Variants in SLC11A2 observed in about 807,000 individuals in gnomAD.
SLC11A2 encodes natural resistance-associated macrophage protein 2.
Under a neutral mutation model 68.0 loss-of-function variants are expected in SLC11A2, and 38 were observed. That is an observed-to-expected ratio of 0.56 (90% CI 0.43 to 0.73). The LOEUF is 0.73. Among genes scored for constraint, SLC11A2 ranks in the 30% least tolerant of loss-of-function variants. SLC11A2 has a pLI of 0.00. For synonymous variants in SLC11A2, 242 were observed against 250.6 expected, an observed-to-expected ratio of 0.97 and a Z score of 0.32; for missense variants, 517 against 690.5, an observed-to-expected ratio of 0.75 and a Z score of 2.82.
chr12:51,027,022 C>G (rs919821172), upstream of SLC11A2, among the ~76,000 whole-genome samples: 7 of 152,034 alleles, frequency 4.6e-5, no homozygotes, highest in African/African-American at 1.4e-4. Flanking sequence ...ACTAAAAATA[C>G]AAAATTAGCC....
chr12:50,996,969 C>G lies in SLC11A2; in HGVS notation c.679G>C (p.Val227Leu), dbSNP rs1276190960. The G allele has an allele frequency of 5.6e-6, 9 of 1,613,588 alleles. No homozygotes were observed. Among genetic ancestry groups the G allele is most frequent in the African/African-American group, 4.0e-5 (3 of 74,896 alleles). The change falls in exon 9 of 16, where the codon GTT becomes CTT. Residue 227 changes from valine (V) to leucine (L), a missense_variant. Val to Leu is a conservative substitution (Grantham distance 32). Coordinates refer to ENST00000262052, the MANE Select transcript of SLC11A2 (RefSeq NM_000617.3). ...IMALTFGYEY[V>L]TVKPSQSQVL... The stretch of plus-strand genomic sequence containing the variant: ...TGGCTCTGGCTGGGTTTCACTGTAA[C>G]ATACTACATACCAACATAACAATGA...
At chr12:50,979,698 A>G, downstream of SLC11A2, 1 of 379,460 alleles carries the variant, frequency 2.6e-6, no homozygotes, top group South Asian at 2.0e-5. Context: ...GAGGCCCTGA[A>G]GTAGAAATGA....
intron 1 of SLC11A2, among the ~76,000 whole-genome samples, chr12:51,015,052 C>G (rs995781191): frequency 6.6e-6 from 1 of 150,548 alleles, no homozygotes; most frequent in South Asian, 2.1e-4. Flanking sequence ...CCCAGCTACT[C>G]GGAACGCTAA....
intron 8 of SLC11A2, among the ~76,000 whole-genome samples, chr12:50,998,586 C>T (rs1941938690): frequency 6.6e-6 from 1 of 152,042 alleles, no homozygotes; most frequent in African/African-American, 2.4e-5. Flanking sequence ...GCATAATCAA[C>T]CCATAGATTA....
downstream of SLC11A2, among the ~76,000 whole-genome samples, chr12:50,975,646 A>G (rs958993910): frequency 3.3e-5 from 5 of 152,344 alleles, no homozygotes; most frequent in Non-Finnish European, 7.3e-5. Flanking sequence ...AGATCAGAGC[A>G]GAACTGAAGA....
intron 3 of SLC11A2, among the ~76,000 whole-genome samples, chr12:51,006,990 C>A (rs1248271491): frequency 6.6e-6 from 1 of 152,092 alleles, no homozygotes; most frequent in Non-Finnish European, 1.5e-5. Context: ...TCAAGCGATC[C>A]ACCCGCCTCA....
chr12:50,993,075 G>A, intron 11 of SLC11A2, 146 bp from the exon 12 acceptor site: 1 of 924,544 alleles, frequency 1.1e-6, no homozygotes, highest in Admixed American at 2.0e-5. Context: ...CCAGAAGCTA[G>A]GCTCAAGTCT....
chr12:50,991,756 T>C (rs1388005255), intron 13 of SLC11A2, 84 bp from the exon 14 acceptor site: 10 of 1,028,132 alleles, frequency 9.7e-6, no homozygotes, highest in Non-Finnish European at 1.5e-5. Flanking sequence ...AAGGGAAACA[T>C]AAATGCTGCC....
At chr12:51,026,238 C>T (rs1944378580) in intron 1 of SLC11A2, 72 bp downstream of exon 1, 1 of 1,225,608 alleles carries the variant, frequency 8.2e-7, no homozygotes, top group Non-Finnish European at 1.1e-6. Context: ...CGACACAGGC[C>T]CTCGAGCCGC....
Position 51,000,688 on chromosome 12 carries a change from A to G in SLC11A2, c.430-269T>C, listed in dbSNP as rs1942127172. The G allele has an allele frequency of 1.4e-5, 8 of 590,930 alleles. No individual in the cohort carries two copies. In the East Asian group the frequency reaches 2.2e-4, roughly 16 times the overall value. 36.6% of individuals were successfully genotyped at this position (590,930 alleles called of 1,614,324 possible). On this transcript the variant is annotated intron_variant, in intron 5 of 15. Transcript: ENST00000262052. ...TCTTACTTTTTTCTTTTTCCTTTCT[A>G]CTTGAGAAGAATATAATTGCCATTT...
At chr12:50,979,996 C>T (rs143776649), downstream of SLC11A2, 205 of 452,304 alleles carry the variant, frequency 4.5e-4, 1 homozygote, top group African/African-American at 3.8e-3. Context: ...GAGGCCAAGG[C>T]CAGCAGATTA....
chr12:51,009,580 T>C (rs1943035775), intron 2 of SLC11A2, among the ~76,000 whole-genome samples: 1 of 152,192 alleles, frequency 6.6e-6, no homozygotes, highest in Admixed American at 6.5e-5. Context: ...CAGCTTTAAA[T>C]TAATGAAGAA....
intron 2 of SLC11A2, chr12:51,009,159 C>CA: frequency 6.7e-7 from 1 of 1,496,022 alleles, no homozygotes; most frequent in African/African-American, 1.4e-5. Context: ...TCAGACTTCT[C>CA]AAAAAATGTG....
In SLC11A2 at chr12:50,999,377, TC is replaced by T; in HGVS notation, c.574del (p.Asp192IlefsTer16). 2 of 1,613,966 alleles carry T rather than the reference TC, an allele frequency of 1.2e-6. No individual in the cohort carries two copies. The highest frequency in any genetic ancestry group is 1.7e-6 in the Non-Finnish European group (2 of 1,179,910). ...GTCCAAGAAGAGAAATACAAAAGTA[TC>T]TGCAATGGTGATGAGAACGCCACCC... ...LWGGVLITIADTFVFLFLDKY... is the reference protein window; with the variant it reads ...LWGGVLITIAXTFVFLFLDKY... On this transcript the variant is annotated frameshift_variant, in exon 7 of 16. Coordinates refer to ENST00000262052, the MANE Select transcript of SLC11A2 (RefSeq NM_000617.3). LOFTEE classifies it high-confidence loss of function.
At chr12:50,957,937 GGTGTGTGTGTGT>G in the SLC11A2 span, among the ~76,000 whole-genome samples, 251 of 132,500 alleles carry the variant, frequency 1.9e-3, 1 homozygote, top group Middle Eastern at 3.6e-3. Context: ...ATGAATTGGA[GGTGTGTGTGTGT>G]GTGTGTGTGT....
intron 1 of SLC11A2, among the ~76,000 whole-genome samples, chr12:51,016,350 C>G (rs1238989223): frequency 6.6e-6 from 1 of 151,604 alleles, no homozygotes; most frequent in Non-Finnish European, 1.5e-5. Flanking sequence ...AGTTCGAGAC[C>G]AGCCTGGCCA....
the SLC11A2 span, among the ~76,000 whole-genome samples, chr12:50,959,082 T>C: frequency 6.6e-6 from 1 of 152,206 alleles, no homozygotes; most frequent in Non-Finnish European, 1.5e-5. Flanking sequence ...ACTGTGCATT[T>C]TGTCCTTGTC....
chr12:50,982,682 GCCTGTAATC>G (rs1940144120), downstream of SLC11A2, among the ~76,000 whole-genome samples: 1 of 152,102 alleles, frequency 6.6e-6, no homozygotes, highest in Non-Finnish European at 1.5e-5. Flanking sequence ...GGTGTCTCAT[GCCTGTAATC>G]CCAGCACTGT....
intron 6 of SLC11A2, 57 bp downstream of exon 6, chr12:51,000,256 A>C: frequency 7.8e-7 from 1 of 1,283,882 alleles, no homozygotes; most frequent in Non-Finnish European, 1.1e-6. Flanking sequence ...TTTTGTTTTT[A>C]TCTCTGCTTG....
Sources: allele counts gnomAD v4.1 joint callset (sites outside exome capture counted in the v4.1 genomes callset), GRCh38; gene constraint gnomAD v4.1.1; transcripts MANE v1.5; gene names NCBI Gene and HGNC (gene_info 2026-07-23, HGNC 2026-07-21).